AOPEP: variants seen among roughly 807,000 people sequenced by gnomAD.
AOPEP encodes aminopeptidase O (putative), also known as aminopeptidase O.
A neutral mutation model predicts 98.1 loss-of-function variants in AOPEP; 77 were observed. The ratio of observed to expected loss-of-function variants is 0.78; its 90% CI spans 0.65 to 0.95. The LOEUF (loss-of-function observed/expected upper bound fraction) is 0.95, where lower values mean the gene tolerates loss of function less well. Ranked by LOEUF, AOPEP falls within the 40% of genes least tolerant of loss-of-function variation. The pLI is 0.00. For missense variants in AOPEP, 1,024 were observed against 1,024.7 expected (o/e 1.00, Z 0.01); for synonymous variants, 346 against 365.3 (o/e 0.95, Z 0.60).
chr9:94,952,298 A>G (rs1660301148), intron 7 of AOPEP, among the ~76,000 whole-genome samples: 1 of 152,242 alleles, frequency 6.6e-6, no homozygotes, highest in South Asian at 2.1e-4. Context: ...ACATAGATAC[A>G]TTAAAGTGCA....
chr9:94,902,204 T>C (rs1202717421), intron 5 of AOPEP, among the ~76,000 whole-genome samples: 1 of 152,196 alleles, frequency 6.6e-6, no homozygotes, highest in African/African-American at 2.4e-5. Context: ...ATTTAATATT[T>C]CTTACACACA....
intron 15 of AOPEP, among the ~76,000 whole-genome samples, chr9:95,081,788 G>A (rs1323273607): frequency 6.6e-6 from 1 of 152,132 alleles, no homozygotes; most frequent in Non-Finnish European, 1.5e-5. Flanking sequence ...TTTTGGGAAA[G>A]CACTTTTGAA....
At chr9:94,992,774 A>ATCTG in intron 11 of AOPEP, among the ~76,000 whole-genome samples, 1 of 152,218 alleles carries the variant, frequency 6.6e-6, no homozygotes, top group Non-Finnish European at 1.5e-5. Context: ...TGAGGCCTGC[A>ATCTG]ATGCAGGTGT....
At position 94,980,597 on chromosome 9, in the gene AOPEP, G is replaced by T. The variant is rs763465019; in HGVS notation, c.1977+1170G>T. On this transcript the variant is annotated intron_variant, in intron 11 of 16. Transcript: ENST00000375315. The surrounding 1 kb of genome is among the most constrained non-coding windows in gnomAD (Gnocchi z 4.3). The stretch of plus-strand genomic sequence containing the variant: ...CAACCATAAGCTCATTCCTAAAAAA[G>T]GACAGTTTGCCTTCAGTTCAGGAAT... Among the ~76,000 whole-genome samples the T allele has an allele frequency of 1.3e-5, 2 of 152,186 alleles. No homozygotes were observed. Among genetic ancestry groups the T allele is most frequent in the African/African-American group, 2.4e-5 (1 of 41,444 alleles).
the AOPEP span, among the ~76,000 whole-genome samples, chr9:95,134,369 C>T: frequency 6.6e-6 from 1 of 152,160 alleles, no homozygotes; most frequent in Non-Finnish European, 1.5e-5. Context: ...ACCTCAGGGA[C>T]TTCCTCAGTC....
chr9:95,126,816 T>G, the AOPEP span: 2 of 504,160 alleles, frequency 4.0e-6, no homozygotes, highest in East Asian at 6.9e-5. Flanking sequence ...CTCCTGTATG[T>G]CCCACATTTT....
intron 7 of AOPEP, among the ~76,000 whole-genome samples, chr9:94,949,923 T>A (rs1205118087): frequency 6.6e-6 from 1 of 152,234 alleles, no homozygotes; most frequent in Non-Finnish European, 1.5e-5. Context: ...TTTATGTGGC[T>A]CTTGAAATTT....
the AOPEP span, chr9:95,101,578 G>T: frequency 8.9e-7 from 1 of 1,126,414 alleles, no homozygotes; most frequent in Non-Finnish European, 1.3e-6. Flanking sequence ...CCCAAGATGT[G>T]TACAGCTCAT....
chr9:94,734,429 G>A (rs994423680), intron 1 of AOPEP, among the ~76,000 whole-genome samples: 1 of 152,178 alleles, frequency 6.6e-6, no homozygotes, highest in African/African-American at 2.4e-5. Context: ...TATACTTGGA[G>A]TTGCCAAGAA....
rs1564522566 is a variant in AOPEP at position 95,012,996 on chromosome 9, G to GT, written c.2115+7380_2115+7381insT. Reference sequence around the variant, plus strand: ...TTTCCTGTTTTTTTTTTGGGGGGGGGGGCAGGGCGATTATCTCTTATCTTT... The same window carrying GT: ...TTTCCTGTTTTTTTTTTGGGGGGGGGTGGCAGGGCGATTATCTCTTATCTTT... On this transcript the variant is annotated intron_variant, in intron 13 of 16. Transcript: ENST00000375315. Among the ~76,000 whole-genome samples the GT allele has an allele frequency of 2.3e-5, 3 of 132,738 alleles. 1 individual carries two copies. Among genetic ancestry groups the GT allele is most frequent in the Non-Finnish European group, 4.8e-5 (3 of 62,122 alleles). The allele number at this position is 132,738 out of a possible 152,430, so 87.1% of individuals were successfully genotyped here.
At chr9:95,047,640 A>G (rs947430568) in intron 13 of AOPEP, among the ~76,000 whole-genome samples, 1 of 152,158 alleles carries the variant, frequency 6.6e-6, no homozygotes, top group Non-Finnish European at 1.5e-5. Flanking sequence ...AGTGCATTCT[A>G]GGAATACCTA....
At chr9:94,875,347 G>GAAAAAAAAAAAAAAA (rs71366265) in intron 5 of AOPEP, among the ~76,000 whole-genome samples, 7 of 71,512 alleles carry the variant, frequency 9.8e-5, no homozygotes, top group Non-Finnish European at 1.3e-4. Flanking sequence ...AATTGAGCAA[G>GAAAAAAAAAAAAAAA]AAAAAAAAAA....
chr9:95,127,318 C>T, the AOPEP span: 1 of 152,306 alleles, frequency 6.6e-6, no homozygotes, highest in Non-Finnish European at 1.5e-5. Context: ...GATGAAAATG[C>T]CCATTTGTGT....
intron 14 of AOPEP, among the ~76,000 whole-genome samples, chr9:95,071,964 T>C (rs2068557642): frequency 6.6e-6 from 1 of 152,142 alleles, no homozygotes; most frequent in South Asian, 2.1e-4. Flanking sequence ...GCACCTCTGA[T>C]TTTCTGGTGG....
At chr9:94,921,262 G>A (rs950285825) in intron 5 of AOPEP, 3 of 152,248 alleles carry the variant, frequency 2.0e-5, no homozygotes, top group Admixed American at 1.3e-4. Context: ...ACTGATCGCC[G>A]GCAGGCCGGC....
intron 5 of AOPEP, among the ~76,000 whole-genome samples, chr9:94,825,752 C>T (rs867002172): frequency 9.9e-5 from 15 of 152,134 alleles, no homozygotes; most frequent in Non-Finnish European, 1.9e-4. Context: ...AATTACAGGG[C>T]GCCCATCGGC....
chr9:94,733,601 A>C (rs1373137807), intron 1 of AOPEP, among the ~76,000 whole-genome samples: 1 of 152,202 alleles, frequency 6.6e-6, no homozygotes, highest in Non-Finnish European at 1.5e-5. Context: ...TATATACCTT[A>C]GCCTTTATAA....
intron 7 of AOPEP, chr9:94,933,797 G>GA (rs2055791865): frequency 2.4e-6 from 1 of 418,962 alleles, no homozygotes; most frequent in Non-Finnish European, 3.2e-6. Context: ...TCCCAGGCTG[G>GA]AGTGCAGTGG....
chr9:95,042,669 CT>C (rs2065439514), intron 13 of AOPEP, among the ~76,000 whole-genome samples: 1 of 152,172 alleles, frequency 6.6e-6, no homozygotes, highest in African/African-American at 2.4e-5. Flanking sequence ...TTCATGGCCC[CT>C]TCCTCCATCT....
Sources: gnomAD v4.1 joint callset for allele counts (sites outside exome capture counted in the v4.1 genomes callset) on GRCh38, gnomAD v4.1.1 for gene constraint, Gnocchi (gnomAD v3.1) non-coding constraint, MANE v1.5 for transcripts, NCBI Gene and HGNC (gene_info 2026-07-23, HGNC 2026-07-21) for gene names.